The following RBMS3 variants were observed in gnomAD, a reference collection of about 807,000 sequenced individuals.
RBMS3 encodes RNA-binding motif, single-stranded-interacting protein 3.
A neutral mutation model predicts 66.8 loss-of-function variants in RBMS3; 27 were observed. The observed-to-expected ratio is 0.40, with a 90% confidence interval of 0.30 to 0.56. The LOEUF is 0.56. RBMS3 is among the 20% of genes least tolerant of loss of function. The pLI is 0.40. For missense variants in RBMS3, 513 were observed against 549.5 expected, an observed-to-expected ratio of 0.93 and a Z score of 0.66; for synonymous variants, 188 against 183.0, an observed-to-expected ratio of 1.03 and a Z score of -0.22.
chr3:29,669,142 C>G (rs1445832988), intron 4 of RBMS3, among the ~76,000 whole-genome samples: 5 of 152,206 alleles, frequency 3.3e-5, no homozygotes, highest in African/African-American at 1.2e-4. Flanking sequence ...CAAGGCAGAG[C>G]CAGCCTGTGG....
At chr3:29,784,531 A>C (rs1404344526) in intron 6 of RBMS3, among the ~76,000 whole-genome samples, 3 of 152,120 alleles carry the variant, frequency 2.0e-5, no homozygotes, top group Non-Finnish European at 4.4e-5. Context: ...GGATACACTA[A>C]AAGTGGTGCT....
intron 5 of RBMS3, among the ~76,000 whole-genome samples, chr3:29,756,446 A>G (rs1291562974): frequency 6.6e-6 from 1 of 152,172 alleles, no homozygotes; most frequent in Non-Finnish European, 1.5e-5. Flanking sequence ...AGTGGAAGGC[A>G]AAGGGGGAGC....
intron 4 of RBMS3, among the ~76,000 whole-genome samples, chr3:29,651,232 A>G (rs778435349): frequency 5.9e-5 from 9 of 152,188 alleles, no homozygotes; most frequent in Non-Finnish European, 1.0e-4. Context: ...GCCTGAGGGA[A>G]TTAATACATG....
At chr3:29,313,729 G>C (rs1168523274) in intron 1 of RBMS3, among the ~76,000 whole-genome samples, 1 of 151,646 alleles carries the variant, frequency 6.6e-6, no homozygotes, top group Non-Finnish European at 1.5e-5. Flanking sequence ...CTTACTAGAG[G>C]ACAGCATTGG....
At chr3:29,874,652 C>A (rs2059569124) in intron 7 of RBMS3, among the ~76,000 whole-genome samples, 2 of 152,108 alleles carry the variant, frequency 1.3e-5, no homozygotes, top group Admixed American at 1.3e-4. Context: ...ATTAGCACAC[C>A]AGATATGGTT....
chr3:29,908,995 A>G lies in RBMS3; in HGVS notation c.939+9240A>G, dbSNP rs150216773. On this transcript the variant is annotated intron_variant, in intron 10 of 14. Transcript: ENST00000383767. The stretch of plus-strand genomic sequence containing the variant: ...AATGACATAAAGATGACCTTAAAGG[A>G]TGGGTGATGTTTGTGGGGCTAAAAT... Among the ~76,000 whole-genome samples, 24 of 152,218 alleles carry G rather than the reference A, an allele frequency of 1.6e-4. No individual in the cohort carries two copies. The East Asian group carries it at 3.5e-3, about 22-fold the overall frequency.
intron 2 of RBMS3, among the ~76,000 whole-genome samples, chr3:29,480,592 A>G (rs762543281): frequency 1.2e-4 from 19 of 152,222 alleles, no homozygotes; most frequent in Non-Finnish European, 2.6e-4. Flanking sequence ...ATTTTTACCA[A>G]TTAGAAAGTT....
chr3:29,879,240 T>A (rs1009774656), intron 7 of RBMS3, among the ~76,000 whole-genome samples: 13 of 152,144 alleles, frequency 8.5e-5, no homozygotes, highest in Non-Finnish European at 1.6e-4. Flanking sequence ...TCACTAAAGG[T>A]TTCTAAGTAG....
intron 6 of RBMS3, among the ~76,000 whole-genome samples, chr3:29,823,347 C>T (rs2058122364): frequency 6.6e-6 from 1 of 152,144 alleles, no homozygotes; most frequent in Non-Finnish European, 1.5e-5. Flanking sequence ...TTATGCCTAA[C>T]TTATTTCACT....
chr3:29,441,687 T>C (rs1049109451), intron 2 of RBMS3, among the ~76,000 whole-genome samples: 10 of 152,166 alleles, frequency 6.6e-5, no homozygotes, highest in Admixed American at 3.9e-4. Context: ...CTTCAGAAAA[T>C]AGGTTTGGAC....
chr3:29,708,956 T>A (rs1013155362), intron 4 of RBMS3, among the ~76,000 whole-genome samples: 8 of 152,152 alleles, frequency 5.3e-5, no homozygotes, highest in Non-Finnish European at 1.0e-4. Context: ...GTAGGCCATA[T>A]CCAACAACTG....
At chr3:29,887,357 C>A (rs1364717292) in intron 8 of RBMS3, among the ~76,000 whole-genome samples, 1 of 151,714 alleles carries the variant, frequency 6.6e-6, no homozygotes, top group Non-Finnish European at 1.5e-5. Flanking sequence ...AAGAGAGAAA[C>A]CAGGTGGAGG....
At chr3:29,720,712 G>GTGTGTGTGTT (rs2053608907) in intron 4 of RBMS3, among the ~76,000 whole-genome samples, 1 of 151,148 alleles carries the variant, frequency 6.6e-6, no homozygotes, top group African/African-American at 2.5e-5. Context: ...GTGTGTGTGT[G>GTGTGTGTGTT]TGTGAGTGTG....
intron 1 of RBMS3, among the ~76,000 whole-genome samples, chr3:29,323,418 T>C (rs949059859): frequency 3.3e-5 from 5 of 152,100 alleles, no homozygotes; most frequent in Non-Finnish European, 7.4e-5. Flanking sequence ...TTTTGAATTT[T>C]TGGACAGAGC....
At chr3:29,806,641 G>A (rs1397810028) in intron 6 of RBMS3, among the ~76,000 whole-genome samples, 1 of 151,858 alleles carries the variant, frequency 6.6e-6, no homozygotes, top group Non-Finnish European at 1.5e-5. Flanking sequence ...GATAAAGGTT[G>A]CTTTAGTCTC....
At chr3:29,707,359 C>T (rs1002170980) in intron 4 of RBMS3, among the ~76,000 whole-genome samples, 2 of 152,112 alleles carry the variant, frequency 1.3e-5, no homozygotes, top group African/African-American at 2.4e-5. Flanking sequence ...ACACATTCAT[C>T]GTTATAGCTA....
chr3:29,592,628 T>C (rs2047782670), intron 4 of RBMS3, among the ~76,000 whole-genome samples: 2 of 152,128 alleles, frequency 1.3e-5, no homozygotes, highest in Admixed American at 1.3e-4. Context: ...GAAATAGAAA[T>C]ACCATTTGAC....
intron 12 of RBMS3, among the ~76,000 whole-genome samples, chr3:29,961,702 T>TA (rs1288894128): frequency 8.6e-5 from 13 of 151,736 alleles, no homozygotes; most frequent in African/African-American, 3.1e-4. Flanking sequence ...AATAACCCCT[T>TA]ATAAAACCAT....
chr3:29,384,709 A>G (rs1231856394), intron 1 of RBMS3, among the ~76,000 whole-genome samples: 1 of 152,190 alleles, frequency 6.6e-6, no homozygotes, highest in East Asian at 1.9e-4. Context: ...CTGAGAAGAG[A>G]CATGACTGTT....
Sources: allele counts gnomAD v4.1 joint callset (sites outside exome capture counted in the v4.1 genomes callset), GRCh38; gene constraint gnomAD v4.1.1; transcripts MANE v1.5; gene names NCBI Gene and HGNC (gene_info 2026-07-23, HGNC 2026-07-21).